PCDHGA6: variants seen among roughly 807,000 people sequenced by gnomAD.
PCDHGA6 encodes protocadherin gamma subfamily A, 6.
A neutral mutation model predicts 60.6 loss-of-function variants in PCDHGA6; 41 were observed. The observed-to-expected ratio is 0.68, with a 90% confidence interval of 0.53 to 0.88. PCDHGA6 has a LOEUF of 0.88. PCDHGA6 is among the 40% of genes least tolerant of loss of function. The probability of loss-of-function intolerance (pLI) is 0.00; values close to 1 mark genes in which losing one functional copy is unlikely to be tolerated. For synonymous variants in PCDHGA6, 594 were observed against 524.4 expected (o/e 1.13, Z -1.81); for missense variants, 1,312 against 1,203.0 (o/e 1.09, Z -1.34).
rs761386567 is a variant in PCDHGA6 at position 141,383,468 on chromosome 5, A to G, written c.2424+6961A>G. ...GTGCAAAGTGGAGACGATGAAACTA[A>G]GTACCCGGAACTGGTGCTGGAGCGG... On this transcript the variant is annotated intron_variant, in intron 1 of 3. Transcript: ENST00000517434. The G allele has an allele frequency of 1.1e-5, 17 of 1,613,656 alleles. 1 individual carries two copies. In the South Asian group the frequency reaches 1.9e-4, roughly 18 times the overall value.
chr5:141,449,562 C>T (rs1374591292), intron 1 of PCDHGA6, among the ~76,000 whole-genome samples: 1 of 143,862 alleles, frequency 7.0e-6, no homozygotes, highest in East Asian at 2.0e-4. Context: ...GCACTCCAGC[C>T]TGGGCGACAG....
At chr5:141,504,381 T>C (rs1039838477) in intron 2 of PCDHGA6, among the ~76,000 whole-genome samples, 4 of 152,130 alleles carry the variant, frequency 2.6e-5, no homozygotes, top group Non-Finnish European at 5.9e-5. Context: ...GTGGAGTCGC[T>C]GCCTCACAGA....
intron 1 of PCDHGA6, chr5:141,422,903 A>G (rs1444530801): frequency 1.9e-6 from 3 of 1,614,036 alleles, no homozygotes; most frequent in African/African-American, 2.7e-5. Context: ...CAGAACGACA[A>G]TGCGCCCGAG....
Position 141,436,609 on chromosome 5 carries a change from A to G in PCDHGA6, c.2425-58198A>G, listed in dbSNP as rs182981534. On this transcript the variant is annotated intron_variant, in intron 1 of 3. Coordinates refer to ENST00000517434, the MANE Select transcript of PCDHGA6 (RefSeq NM_018919.3). ...AAAGGTCGTGGTGATGGCTAGGGCT[A>G]ACAAAAATCTGATTCACAACATGCA... Among the ~76,000 whole-genome samples, 5 of 152,334 alleles carry G rather than the reference A, an allele frequency of 3.3e-5. No homozygotes were observed. The East Asian group carries it at 5.8e-4, about 18-fold the overall frequency.
In PCDHGA6 at chr5:141,493,356, C is replaced by G. The variant is rs1303319550; in HGVS notation, c.2425-1451C>G. On this transcript the variant is annotated intron_variant, in intron 1 of 3. Transcript: ENST00000517434. The surrounding 1 kb of genome is among the most constrained non-coding windows in gnomAD (Gnocchi z 4.3). ...ACTCCAGAATGTGTGCTTTTAATTT[C>G]TTGGCACTTGGAACTTTAAAAGCTT... Among the ~76,000 whole-genome samples the G allele has an allele frequency of 6.6e-6, 1 of 152,182 alleles. No individual in the cohort carries two copies. The highest frequency in any genetic ancestry group is 1.5e-5 in the Non-Finnish European group (1 of 68,032).
At chr5:141,419,192 G>C (rs772847766) in intron 1 of PCDHGA6, 2 of 1,613,934 alleles carry the variant, frequency 1.2e-6, no homozygotes, top group Admixed American at 1.7e-5. Context: ...CATTACTGAC[G>C]TCAATGACAA....
At chr5:141,409,546 C>G in intron 1 of PCDHGA6, 1 of 1,613,998 alleles carries the variant, frequency 6.2e-7, no homozygotes, top group Non-Finnish European at 8.5e-7. Flanking sequence ...TCAACGACAA[C>G]GCCCCAGTTT....
Position 141,374,128 on chromosome 5 carries a change from GCTC to G in PCDHGA6, c.49_51del (p.Leu17del). 6.2e-7 allele frequency: 1 copy of G among 1,603,488 alleles called. No homozygotes were observed. Among genetic ancestry groups the G allele is most frequent in the Non-Finnish European group, 8.5e-7 (1 of 1,173,520 alleles). On this transcript the variant is annotated inframe_deletion, in exon 1 of 4. Transcript: ENST00000517434. The stretch of plus-strand genomic sequence containing the variant: ...ATCCGCAGCGCAGCGAGCAGGTCCT[GCTC>G]CTCACGCTCCTGGGGACGCTGTGGG...
At chr5:141,461,422 C>A (rs2099015157) in intron 1 of PCDHGA6, among the ~76,000 whole-genome samples, 1 of 151,930 alleles carries the variant, frequency 6.6e-6, no homozygotes, top group African/African-American at 2.4e-5. Flanking sequence ...TGTTTGTGGG[C>A]CATTTGTATA....
chr5:141,448,439 C>T (rs182359185), intron 1 of PCDHGA6, among the ~76,000 whole-genome samples: 7 of 152,232 alleles, frequency 4.6e-5, no homozygotes, highest in Admixed American at 4.6e-4. Context: ...ATTGAGAAGT[C>T]TGACTTCCAT....
chr5:141,385,962 A>G (rs997092778), intron 1 of PCDHGA6: 1 of 152,264 alleles, frequency 6.6e-6, no homozygotes, highest in Admixed American at 6.5e-5. Context: ...ACTAAAGGCC[A>G]TCGGACAAAA....
In PCDHGA6 at chr5:141,487,169, G is replaced by A. The variant is rs1259980100; in HGVS notation, c.2425-7638G>A. On this transcript the variant is annotated intron_variant, in intron 1 of 3. Coordinates refer to ENST00000517434, the MANE Select transcript of PCDHGA6 (RefSeq NM_018919.3). The surrounding 1 kb of genome is among the most constrained non-coding windows in gnomAD (Gnocchi z 5.0). ...CTCTGTTACTCTCTTAGTGTCCTTA[G>A]AGGAAGACACTCATCCAGTTGTCCC... 6.2e-7 allele frequency: 1 copy of A among 1,613,086 alleles called. No homozygotes were observed. Among genetic ancestry groups the A allele is most frequent in the South Asian group, 1.1e-5 (1 of 91,072 alleles).
chr5:141,465,858 C>T (rs2099110865), intron 1 of PCDHGA6, among the ~76,000 whole-genome samples: 1 of 152,034 alleles, frequency 6.6e-6, no homozygotes, highest in African/African-American at 2.4e-5. Context: ...CCCAGTGGCT[C>T]ATGCCTGTAA....
intron 1 of PCDHGA6, among the ~76,000 whole-genome samples, chr5:141,406,540 A>C (rs1180847016): frequency 6.6e-6 from 1 of 152,216 alleles, no homozygotes; most frequent in Non-Finnish European, 1.5e-5. Context: ...ACGAAGATTC[A>C]AACTTCAGTT....
intron 1 of PCDHGA6, chr5:141,426,585 T>C (rs2096944493): frequency 2.8e-6 from 1 of 358,848 alleles, no homozygotes; most frequent in African/African-American, 2.1e-5. Flanking sequence ...CAAAATCCTC[T>C]GTGTCATACC....
At chr5:141,427,228 T>C (rs2097002884) in intron 1 of PCDHGA6, 1 of 456,550 alleles carries the variant, frequency 2.2e-6, no homozygotes, top group South Asian at 1.5e-5. Context: ...AGTTATACCA[T>C]GAGAGTAGAA....
At chr5:141,381,397 A>G (rs1207743426) in intron 1 of PCDHGA6, among the ~76,000 whole-genome samples, 1 of 152,222 alleles carries the variant, frequency 6.6e-6, no homozygotes, top group Admixed American at 6.5e-5. Flanking sequence ...GTTTTACTCT[A>G]TCAACATCAG....
chr5:141,400,639 C>A, intron 1 of PCDHGA6: 1 of 1,310,186 alleles, frequency 7.6e-7, no homozygotes, highest in Non-Finnish European at 1.1e-6. Context: ...CAGAGCTGCT[C>A]AGAAAGCTGT....
At chr5:141,478,487 A>G (rs1593917832) in intron 1 of PCDHGA6, 1 of 1,613,454 alleles carries the variant, frequency 6.2e-7, no homozygotes, top group South Asian at 1.1e-5. Flanking sequence ...CACGCTGCGG[A>G]GCTGTGATCC....
Sources: allele counts gnomAD v4.1 joint callset (sites outside exome capture counted in the v4.1 genomes callset), GRCh38; gene constraint gnomAD v4.1.1; non-coding constraint Gnocchi (gnomAD v3.1); transcripts MANE v1.5; gene names NCBI Gene and HGNC (gene_info 2026-07-23, HGNC 2026-07-21).